Variants in FBXO3 observed in about 807,000 individuals in gnomAD.
The protein encoded by FBXO3 is F-box only protein 3.
Under a neutral mutation model 64.8 loss-of-function variants are expected in FBXO3, and 17 were observed. That is an observed-to-expected ratio of 0.26 (90% confidence interval 0.18 to 0.39). The LOEUF (loss-of-function observed/expected upper bound fraction) is 0.39, where lower values mean the gene tolerates loss of function less well. FBXO3 is among the 10% of genes least tolerant of loss of function. The pLI is 1.00. For missense variants in FBXO3, 420 were observed against 589.9 expected (o/e 0.71, Z 2.98); for synonymous variants, 182 against 201.6 (o/e 0.90, Z 0.82).
chr11:33,765,047 G>A (rs75554918), intron 3 of FBXO3, among the ~76,000 whole-genome samples: 5,822 of 152,266 alleles, frequency 0.038, 247 homozygotes, highest in East Asian at 0.18. Flanking sequence ...GTACACCAAG[G>A]AGACATGACA....
At chr11:33,744,962 G>T (rs777884381) in intron 10 of FBXO3, 3 of 152,054 alleles carry the variant, frequency 2.0e-5, no homozygotes, top group East Asian at 3.8e-4. Flanking sequence ...CTTAAATAAA[G>T]ACAACTTTAC....
At chr11:33,748,623 A>G (rs1349143920) in intron 9 of FBXO3, among the ~76,000 whole-genome samples, 154 bp downstream of exon 9, 1 of 152,246 alleles carries the variant, frequency 6.6e-6, no homozygotes, top group Non-Finnish European at 1.5e-5. Flanking sequence ...ATCCCTGAAT[A>G]ATTAAGTTTG....
rs540132532 is a variant in FBXO3 at position 33,750,120 on chromosome 11, A to G, written c.932+419T>C. ...CTTATTTAATAAAATTCAATGTCTA[A>G]CACTATGTCTGACATCCATGAAGCA... is the stretch of plus-strand genomic sequence containing the variant. On this transcript the variant is annotated intron_variant, in intron 8 of 10. Transcript: ENST00000265651. Among the ~76,000 whole-genome samples, 29 of 152,316 alleles carry G rather than the reference A, an allele frequency of 1.9e-4. 1 individual carries two copies. The South Asian group carries it at 5.8e-3, about 30-fold the overall frequency.
In FBXO3 at chr11:33,741,406, A is replaced by G. The variant is rs1315766051; in HGVS notation, c.*502T>C. The stretch of plus-strand genomic sequence containing the variant: ...TCTAAGGACAAACCACTAGCGTTCA[A>G]GTTGTTTAGTCAATTAGTTCTCTGT... On this transcript the variant is annotated 3_prime_UTR_variant, in exon 11 of 11. Coordinates refer to ENST00000265651, the MANE Select transcript of FBXO3 (RefSeq NM_012175.4). 2.0e-5 allele frequency: 3 copies of G among 152,726 alleles called. No individual in the cohort carries two copies. Among genetic ancestry groups the G allele is most frequent in the African/African-American group, 7.2e-5 (3 of 41,478 alleles). The allele number at this position is 152,726 out of a possible 1,614,324, so 9.5% of individuals were successfully genotyped here. A position where few individuals can be genotyped will look rare whatever the true frequency, so the allele number is the denominator to read the frequency against.
rs1854675225 is a variant in FBXO3 at position 33,741,051 on chromosome 11, T to G, written c.*857A>C. On this transcript the variant is annotated 3_prime_UTR_variant, in exon 11 of 11. Transcript: ENST00000265651. ...AAAAAATCCAAGTTTCAGGAAAACA[T>G]ACTTAATCCTAACATAAAATTCATG... The G allele has an allele frequency of 6.6e-6, 1 of 152,644 alleles. No homozygotes were observed. Among genetic ancestry groups the G allele is most frequent in the South Asian group, 2.1e-4 (1 of 4,832 alleles). The allele number at this position is 152,644 out of a possible 1,614,324, so 9.5% of individuals were successfully genotyped here.
At chr11:33,774,139 A>T in intron 1 of FBXO3, 1 of 418,632 alleles carries the variant, frequency 2.4e-6, no homozygotes. Context: ...AGTGGGCCTC[A>T]CCGAGGCCTG....
chr11:33,757,951 G>A (rs1332027486), intron 4 of FBXO3, among the ~76,000 whole-genome samples: 9 of 141,740 alleles, frequency 6.3e-5, no homozygotes, highest in Non-Finnish European at 3.0e-5. Flanking sequence ...GCAAGACCCT[G>A]TCTCAAAAAA....
intron 9 of FBXO3, among the ~76,000 whole-genome samples, chr11:33,747,782 G>T (rs1328858576): frequency 6.6e-6 from 1 of 151,652 alleles, no homozygotes; most frequent in African/African-American, 2.4e-5. Flanking sequence ...AAAGTTCTGG[G>T]ATATCAGGCG....
At chr11:33,774,316 G>T in intron 1 of FBXO3, 78 bp downstream of exon 1, 1 of 1,259,434 alleles carries the variant, frequency 7.9e-7, no homozygotes, top group Non-Finnish European at 1.1e-6. Context: ...CCTGTCAGCG[G>T]CCCCGACCCC....
Position 33,740,975 on chromosome 11 carries a change from T to G in FBXO3, c.*933A>C, listed in dbSNP as rs1322171266. 2 of 152,632 alleles carry G rather than the reference T, an allele frequency of 1.3e-5. No homozygotes were observed. The highest frequency in any genetic ancestry group is 2.9e-5 in the Non-Finnish European group (2 of 68,042). 9.5% of individuals were successfully genotyped at this position (152,632 alleles called of 1,614,324 possible). ...CCAAAATTTGCTTTTAAAATGTGAG[T>G]TTTTAACACTTGAAGGATTTCATTC... On this transcript the variant is annotated 3_prime_UTR_variant, in exon 11 of 11. Transcript: ENST00000265651.
Position 33,747,135 on chromosome 11 carries a change from G to A in FBXO3, c.1234C>T (p.Arg412Ter), listed in dbSNP as rs1354879261. 1.9e-6 allele frequency: 3 copies of A among 1,608,908 alleles called. No individual in the cohort carries two copies. The highest frequency in any genetic ancestry group is 3.4e-5 in the Admixed American group (2 of 58,000). ...ACPTFRVSIARLEMGPDEYEE... is the reference protein window; with the variant it reads ...ACPTFRVSIA ...TAGAGGAAAATTTAACTTACCAATC[G>A]GGCTATAGACACCCTGAATGTTGGA... The change falls in exon 10 of 11, where the codon CGA becomes TGA. Residue 412 changes from arginine (R) to a stop codon, truncating the protein, a stop_gained. Transcript: ENST00000265651. LOFTEE classifies it high-confidence loss of function.
Position 33,774,478 on chromosome 11 carries a change from T to A in FBXO3, c.20A>T (p.Glu7Val). The change falls in exon 1 of 11, where the codon GAG (glutamate) becomes GTG (valine). Residue 7 changes from glutamate to valine, a missense_variant. Around this residue, in one of 3 missense-constraint regions of FBXO3, gnomAD observed 26 missense variants for 16.1 expected, o/e 1.62. Transcript: ENST00000265651. MAAMET[E>V]TAPLTLESLP... is the part of the protein sequence containing the mutation. The stretch of plus-strand genomic sequence containing the variant: ...CGACTCTAGGGTCAGCGGCGCCGTC[T>A]CGGTCTCCATGGCCGCCATCTTGCC... The A allele has an allele frequency of 3.8e-6, 6 of 1,579,190 alleles. No individual in the cohort carries two copies. The highest frequency in any genetic ancestry group is 5.2e-6 in the Non-Finnish European group (6 of 1,163,514).
intron 3 of FBXO3, among the ~76,000 whole-genome samples, chr11:33,766,292 C>T (rs1163233469): frequency 6.6e-6 from 1 of 152,182 alleles, no homozygotes; most frequent in African/African-American, 2.4e-5. Flanking sequence ...TTAAACTCTC[C>T]GGGTATGTTT....
chr11:33,744,802 A>T (rs1243441354), intron 10 of FBXO3: 2 of 152,226 alleles, frequency 1.3e-5, no homozygotes, highest in African/African-American at 2.4e-5. Context: ...AAAGGAACTA[A>T]TAAGTAAATA....
rs548509308 is a variant in FBXO3 at position 33,769,232 on chromosome 11, TTTTC to T, written c.195-222_195-219del. Among the ~76,000 whole-genome samples, 18 of 152,308 alleles carry T rather than the reference TTTTC, an allele frequency of 1.2e-4. No individual in the cohort carries two copies. In the South Asian group the frequency reaches 3.1e-3, roughly 26 times the overall value. On this transcript the variant is annotated intron_variant, in intron 2 of 10. Transcript: ENST00000265651. Reference sequence around the variant, plus strand: ...GAATTGCTAGGCACTCATTTTCTCCTTTTCTTTCTACTTATTTTTTTTCAGTTTT... The same window carrying T: ...GAATTGCTAGGCACTCATTTTCTCCTTTTCTACTTATTTTTTTTCAGTTTT...
At chr11:33,754,261 ATT>A in intron 6 of FBXO3, 192 bp downstream of exon 6, 1 of 493,176 alleles carries the variant, frequency 2.0e-6, no homozygotes, top group Non-Finnish European at 3.6e-6. Context: ...TTTTTTCAAA[ATT>A]AAAAATATTC....
rs758255773 is a variant in FBXO3, at chr11:33,758,613, C to T, written c.359-12G>A. 5.1e-6 allele frequency: 8 copies of T among 1,554,104 alleles called. No individual in the cohort carries two copies. The Admixed American group carries it at 7.4e-5, about 14-fold the overall frequency. ...CTCTCGAGCACCCTCTATAAAGGCA[C>T]AAAAAAGAGTGAATTGTGAAGAAAC... On this transcript the variant is annotated splice_polypyrimidine_tract_variant and intron_variant, in intron 3 of 10. Coordinates refer to ENST00000265651, the MANE Select transcript of FBXO3 (RefSeq NM_012175.4).
At chr11:33,757,087 C>G in intron 4 of FBXO3, 1 of 518,568 alleles carries the variant, frequency 1.9e-6, no homozygotes, top group Non-Finnish European at 3.9e-6. Context: ...TTGGGATTCC[C>G]TGTACTCATT....
chr11:33,758,349 T>G, intron 4 of FBXO3, 138 bp downstream of exon 4: 1 of 514,228 alleles, frequency 1.9e-6, no homozygotes, highest in Non-Finnish European at 3.3e-6. Flanking sequence ...TTTTGTCTTA[T>G]GGATTGCTAT....
Sources: allele counts gnomAD v4.1 joint callset (sites outside exome capture counted in the v4.1 genomes callset), GRCh38; gene constraint gnomAD v4.1.1; regional missense constraint gnomAD v4.1.1; transcripts MANE v1.5; gene names NCBI Gene and HGNC (gene_info 2026-07-23, HGNC 2026-07-21).